BICRA: variants seen among roughly 807,000 people sequenced by gnomAD.
BICRA encodes the protein BRD4 interacting chromatin remodeling complex associated protein.
A neutral mutation model predicts 96.9 loss-of-function variants in BICRA; 31 were observed. That is an observed-to-expected ratio of 0.32 (90% CI 0.24 to 0.43). The LOEUF (loss-of-function observed/expected upper bound fraction) is 0.43, where lower values mean the gene tolerates loss of function less well. BICRA is among the 20% of genes least tolerant of loss of function. BICRA has a pLI of 1.00. For missense variants in BICRA, 2,283 were observed against 2,190.3 expected, an observed-to-expected ratio of 1.04 and a Z score of -0.84; for synonymous variants, 1,350 against 1,071.8, an observed-to-expected ratio of 1.26 and a Z score of -5.07.
chr19:47,683,665 A>G (rs1336129500), intron 7 of BICRA, among the ~76,000 whole-genome samples: 1 of 151,784 alleles, frequency 6.6e-6, no homozygotes, highest in Non-Finnish European at 1.5e-5. Flanking sequence ...GCTCACTGCA[A>G]GCTCCGCCTC....
At chr19:47,645,292 C>T (rs1265528661) in intron 1 of BICRA, among the ~76,000 whole-genome samples, 2 of 152,070 alleles carry the variant, frequency 1.3e-5, no homozygotes, top group Admixed American at 6.6e-5. Flanking sequence ...TGTAGAACGT[C>T]TCTCATTTTC....
At chr19:47,684,124 A>G (rs1420032588) in intron 7 of BICRA, among the ~76,000 whole-genome samples, 1 of 152,166 alleles carries the variant, frequency 6.6e-6, no homozygotes, top group Non-Finnish European at 1.5e-5. Context: ...GGTGGAGTAA[A>G]CGAGTTACTA....
At chr19:47,691,114 A>G (rs1427468772) in intron 7 of BICRA, among the ~76,000 whole-genome samples, 1 of 152,228 alleles carries the variant, frequency 6.6e-6, no homozygotes, top group Non-Finnish European at 1.5e-5. Flanking sequence ...AGTTGTGGTC[A>G]TCTGAAGGTC....
intron 1 of BICRA, among the ~76,000 whole-genome samples, chr19:47,620,686 A>AAAC (rs1001420182): frequency 2.6e-5 from 4 of 151,096 alleles, no homozygotes; most frequent in African/African-American, 9.7e-5. Context: ...AAAAAAAAAA[A>AAAC]AAACAAGAAC....
At chr19:47,694,799 T>TC in intron 8 of BICRA, 73 bp downstream of exon 8, 1 of 854,606 alleles carries the variant, frequency 1.2e-6, no homozygotes, top group South Asian at 1.6e-5. Flanking sequence ...TGGGAGCCCC[T>TC]CCGCCTTACG....
chr19:47,697,342 G>A (rs1568578839), intron 11 of BICRA, among the ~76,000 whole-genome samples: 3 of 151,370 alleles, frequency 2.0e-5, no homozygotes, highest in Non-Finnish European at 1.5e-5. Context: ...GCAGTGAGCC[G>A]AGATCATGCC....
At chr19:47,614,859 G>A (rs1021691535) in intron 1 of BICRA, among the ~76,000 whole-genome samples, 4 of 152,156 alleles carry the variant, frequency 2.6e-5, no homozygotes, top group Admixed American at 1.3e-4. Flanking sequence ...GCATACGTCC[G>A]CACATGTTAC....
upstream of BICRA, among the ~76,000 whole-genome samples, chr19:47,608,906 T>C (rs1418872532): frequency 2.0e-5 from 3 of 146,468 alleles, no homozygotes; most frequent in African/African-American, 4.9e-5. Context: ...TTTTTTTTTT[T>C]TTTTCCGTTT....
In BICRA at chr19:47,694,241, C is replaced by A; in HGVS notation, c.2410C>A (p.Pro804Thr). ...CCCCACCCGGCCCCCTTCCCGCCCA[C>A]CCTCCCGGCCACAGAGTGTGTCCCG... ...PHPTRPPSRP[P>T]SRPQSVSRPP... Residue 804 changes from proline to threonine, a missense_variant, in exon 8 of 15, where the codon CCC becomes ACC. Physicochemically the swap from Pro to Thr is conservative, Grantham distance 38. Coordinates refer to ENST00000594866, the MANE Select transcript of BICRA (RefSeq NM_001394372.1). 1 of 933,120 alleles carries A rather than the reference C, an allele frequency of 1.1e-6. No individual in the cohort carries two copies. Among genetic ancestry groups the A allele is most frequent in the Non-Finnish European group, 1.5e-6 (1 of 647,500 alleles). The allele number at this position is 933,120 out of a possible 1,614,324, so 57.8% of individuals were successfully genotyped here. A position where few individuals can be genotyped will look rare whatever the true frequency, so the allele number is the denominator to read the frequency against.
chr19:47,670,484 C>T lies in BICRA; in HGVS notation c.-66C>T, dbSNP rs1477452666. 1 of 152,166 alleles carries T rather than the reference C, an allele frequency of 6.6e-6. No individual in the cohort carries two copies. The highest frequency in any genetic ancestry group is 2.4e-5 in the African/African-American group (1 of 41,436). The allele number at this position is 152,166 out of a possible 1,614,324, so 9.4% of individuals were successfully genotyped here. On this transcript the variant is annotated 5_prime_UTR_variant, in exon 2 of 15. Coordinates refer to ENST00000594866, the MANE Select transcript of BICRA (RefSeq NM_001394372.1). ...CCCTTTCCAAGTCCCCAGCTGGGGG[C>T]CCTGTGTAGACCTGGAGTGGACACG...
Position 47,694,989 on chromosome 19 carries a change from C to G in BICRA, c.2985C>G (p.Pro995=), listed in dbSNP as rs766407779. Reference sequence around the variant, plus strand: ...CCAGCCTGGGGCCCCTCACCAGCCCCGCTGCGTCTGTGCTGGTCAGTGGGC... The same window carrying G: ...CCAGCCTGGGGCCCCTCACCAGCCCGGCTGCGTCTGTGCTGGTCAGTGGGC... ...TSTSLGPLTS[P]AASVLVSGQA... is the part of the protein sequence containing the mutation. The change falls in exon 9 of 15, where the codon CCC becomes CCG. Residue 995 remains proline (P), a synonymous_variant. Coordinates refer to ENST00000594866, the MANE Select transcript of BICRA (RefSeq NM_001394372.1). 1.3e-6 allele frequency: 2 copies of G among 1,549,242 alleles called. No individual in the cohort carries two copies. Among genetic ancestry groups the G allele is most frequent in the Non-Finnish European group, 1.7e-6 (2 of 1,155,890 alleles).
chr19:47,690,127 T>G (rs188044707), intron 7 of BICRA, among the ~76,000 whole-genome samples: 1 of 151,752 alleles, frequency 6.6e-6, no homozygotes, highest in African/African-American at 2.4e-5. Context: ...TCAGCCTCCC[T>G]AGTAGCTGGG....
At chr19:47,672,150 C>G (rs1422160573) in intron 2 of BICRA, among the ~76,000 whole-genome samples, 155 of 54,384 alleles carry the variant, frequency 2.9e-3, no homozygotes, top group South Asian at 3.7e-3. Flanking sequence ...AAGGATGGAG[C>G]ATGGGTAGGT....
At chr19:47,624,912 T>C (rs1324433573) in intron 1 of BICRA, among the ~76,000 whole-genome samples, 1 of 151,546 alleles carries the variant, frequency 6.6e-6, no homozygotes, top group East Asian at 1.9e-4. Context: ...CAGGCTGGCC[T>C]TGAACTCCCG....
At chr19:47,690,804 GT>G (rs1973230308) in intron 7 of BICRA, among the ~76,000 whole-genome samples, 4 of 151,798 alleles carry the variant, frequency 2.6e-5, no homozygotes, top group African/African-American at 9.7e-5. Flanking sequence ...GTGTGTGTGT[GT>G]GTGTGTGTGC....
intron 8 of BICRA, 30 bp downstream of exon 8, chr19:47,694,756 T>C: frequency 8.4e-7 from 1 of 1,195,250 alleles, no homozygotes; most frequent in Non-Finnish European, 1.2e-6. Flanking sequence ...GCCCGCCCCA[T>C]CAGCCCCATC....
At chr19:47,682,177 T>TCC (rs1381660436) in intron 7 of BICRA, 25 bp downstream of exon 7, 1 of 1,179,300 alleles carries the variant, frequency 8.5e-7, no homozygotes, top group Non-Finnish European at 1.2e-6. Context: ...GCAGCCTGTG[T>TCC]CCGCAGCACA....
At chr19:47,682,864 G>A (rs1040842551) in intron 7 of BICRA, among the ~76,000 whole-genome samples, 1 of 151,974 alleles carries the variant, frequency 6.6e-6, no homozygotes, top group Non-Finnish European at 1.5e-5. Context: ...TAGAGACGGG[G>A]TTTCACCATG....
At chr19:47,608,659 C>T (rs987461257), upstream of BICRA, among the ~76,000 whole-genome samples, 104 of 151,740 alleles carry the variant, frequency 6.9e-4, no homozygotes, top group Admixed American at 2.0e-3. Flanking sequence ...CGCCCCTGAA[C>T]CCCCGGGACT....
Sources: gnomAD v4.1 joint callset for allele counts (sites outside exome capture counted in the v4.1 genomes callset) on GRCh38, gnomAD v4.1.1 for gene constraint, MANE v1.5 for transcripts, NCBI Gene and HGNC (gene_info 2026-07-23, HGNC 2026-07-21) for gene names.